The following SUGCT variants were observed in gnomAD, a reference collection of about 807,000 sequenced individuals.
SUGCT encodes succinyl-CoA:glutarate CoA-transferase.
In SUGCT, 41 loss-of-function variants were observed where a neutral mutation model predicts 55.0. The ratio of observed to expected loss-of-function variants is 0.74; its 90% CI spans 0.58 to 0.97. The LOEUF (loss-of-function observed/expected upper bound fraction) is 0.97, where lower values mean the gene tolerates loss of function less well. SUGCT is among the 50% of genes least tolerant of loss of function. The pLI is 0.00. For synonymous variants in SUGCT, 187 were observed against 200.4 expected, an observed-to-expected ratio of 0.93 and a Z score of 0.56; for missense variants, 568 against 547.8, an observed-to-expected ratio of 1.04 and a Z score of -0.37.
chr7:40,761,190 G>T (rs888749433), intron 13 of SUGCT, among the ~76,000 whole-genome samples: 79 of 152,206 alleles, frequency 5.2e-4, no homozygotes, highest in Non-Finnish European at 9.0e-4. Context: ...ACACAGTGAG[G>T]ACTGGGAGAT....
intron 9 of SUGCT, among the ~76,000 whole-genome samples, chr7:40,372,730 G>A (rs1382060997): frequency 6.6e-6 from 1 of 151,994 alleles, no homozygotes; most frequent in Non-Finnish European, 1.5e-5. Flanking sequence ...GGAACATAAA[G>A]ATCACAGAGA....
intron 9 of SUGCT, among the ~76,000 whole-genome samples, chr7:40,366,031 T>A (rs1446243145): frequency 3.3e-5 from 5 of 152,102 alleles, no homozygotes; most frequent in Non-Finnish European, 7.4e-5. Flanking sequence ...AGGCTACAGT[T>A]ACCAAAACAG....
At chr7:40,361,371 G>C (rs6977384) in intron 9 of SUGCT, among the ~76,000 whole-genome samples, 1 of 151,792 alleles carries the variant, frequency 6.6e-6, no homozygotes, top group African/African-American at 2.4e-5. Flanking sequence ...TCAGGAGATC[G>C]AGACCATCCT....
At chr7:40,809,199 A>G (rs776603738) in intron 13 of SUGCT, among the ~76,000 whole-genome samples, 10 of 152,228 alleles carry the variant, frequency 6.6e-5, no homozygotes, top group Non-Finnish European at 1.2e-4. Context: ...TGAAGATTAC[A>G]TAAAATAATG....
chr7:40,395,479 A>G (rs185736796), intron 9 of SUGCT, among the ~76,000 whole-genome samples: 104 of 146,528 alleles, frequency 7.1e-4, no homozygotes, highest in African/African-American at 2.4e-3. Flanking sequence ...ACAAGAGAGA[A>G]ACTCTGTCTC....
chr7:40,183,691 A>C (rs2150715657), intron 3 of SUGCT, among the ~76,000 whole-genome samples: 1 of 152,288 alleles, frequency 6.6e-6, no homozygotes, highest in African/African-American at 2.4e-5. Flanking sequence ...AAGGTTTTGA[A>C]GCGGGAAACG....
intron 9 of SUGCT, among the ~76,000 whole-genome samples, chr7:40,322,233 T>TTC (rs1423685869): frequency 2.6e-5 from 4 of 152,134 alleles, no homozygotes; most frequent in Admixed American, 2.0e-4. Flanking sequence ...TCTCCCCATC[T>TTC]TGTGTCTCTC....
intron 6 of SUGCT, chr7:40,217,411 C>T (rs1787732217): frequency 2.2e-6 from 1 of 445,284 alleles, no homozygotes; most frequent in Non-Finnish European, 4.5e-6. Flanking sequence ...GGGGTTTTCC[C>T]ATGTTGCCCA....
chr7:40,851,235 G>A (rs1317869299), intron 13 of SUGCT, among the ~76,000 whole-genome samples: 4 of 152,108 alleles, frequency 2.6e-5, no homozygotes, highest in Non-Finnish European at 4.4e-5. Flanking sequence ...ATTTGCATCT[G>A]TCGTGTGCCC....
At chr7:40,377,194 CTTTCTTTTCTTTTCTTTTCTTTCT>C (rs1562728597) in intron 9 of SUGCT, among the ~76,000 whole-genome samples, 14 of 7,574 alleles carry the variant, frequency 1.8e-3, no homozygotes, top group Non-Finnish European at 0.013. Flanking sequence ...TTCTTTCTTT[CTTTCTTTTCTTTTCTTTTCTTTCT>C]TTTCTTTCTT....
intron 12 of SUGCT, among the ~76,000 whole-genome samples, chr7:40,598,942 C>T (rs1395842659): frequency 1.3e-5 from 2 of 152,208 alleles, no homozygotes; most frequent in African/African-American, 2.4e-5. Flanking sequence ...GAGCATCTCT[C>T]TCATCTCCAA....
chr7:40,165,752 T>C (rs923019472), intron 1 of SUGCT, among the ~76,000 whole-genome samples: 1 of 152,150 alleles, frequency 6.6e-6, no homozygotes, highest in African/African-American at 2.4e-5. Context: ...TTTCTTGTTT[T>C]CAAACAAGAA....
chr7:40,285,152 TCAAAA>T (rs1320548645), intron 8 of SUGCT, among the ~76,000 whole-genome samples: 1 of 152,202 alleles, frequency 6.6e-6, no homozygotes, highest in African/African-American at 2.4e-5. Flanking sequence ...ATTAGATACT[TCAAAA>T]CACTTTGGAG....
At chr7:40,683,967 A>G (rs1453602398) in intron 12 of SUGCT, 6 of 1,554,460 alleles carry the variant, frequency 3.9e-6, no homozygotes, top group African/African-American at 2.7e-5. Context: ...GGGAAAAGCC[A>G]TTTCCTTGAT....
At chr7:40,754,623 G>T (rs1430688193) in intron 13 of SUGCT, among the ~76,000 whole-genome samples, 1 of 152,164 alleles carries the variant, frequency 6.6e-6, no homozygotes, top group Non-Finnish European at 1.5e-5. Context: ...ACAGCTCAAG[G>T]CTCTGGGTGC....
chr7:40,768,736 T>C (rs188712598), intron 13 of SUGCT, among the ~76,000 whole-genome samples: 1 of 152,340 alleles, frequency 6.6e-6, no homozygotes, highest in East Asian at 1.9e-4. Context: ...CGTATCATGG[T>C]TGATGCTTGG....
chr7:40,244,129 C>A (rs1282224911), intron 7 of SUGCT, among the ~76,000 whole-genome samples: 1 of 152,076 alleles, frequency 6.6e-6, no homozygotes, highest in Non-Finnish European at 1.5e-5. Flanking sequence ...GCCCAGATTG[C>A]GCCACTGCAC....
At chr7:40,463,626 C>T (rs1230044368) in intron 11 of SUGCT, among the ~76,000 whole-genome samples, 1 of 152,150 alleles carries the variant, frequency 6.6e-6, no homozygotes, top group Non-Finnish European at 1.5e-5. Context: ...GGCGATCAGC[C>T]TCACTCAGGA....
At chr7:40,997,613 G>C in the SUGCT span, among the ~76,000 whole-genome samples, 1 of 152,158 alleles carries the variant, frequency 6.6e-6, no homozygotes, top group Non-Finnish European at 1.5e-5. Flanking sequence ...ATGTGGATAA[G>C]GTTGCATCTC....
Sources: allele counts gnomAD v4.1 joint callset (sites outside exome capture counted in the v4.1 genomes callset), GRCh38; gene constraint gnomAD v4.1.1; transcripts MANE v1.5; gene names NCBI Gene and HGNC (gene_info 2026-07-23, HGNC 2026-07-21).